The following ARHGEF37 variants were observed in gnomAD, a reference collection of about 807,000 sequenced individuals.
The protein encoded by ARHGEF37 is Rho guanine nucleotide exchange factor 37.
Under a neutral mutation model 71.1 loss-of-function variants are expected in ARHGEF37, and 55 were observed. The observed-to-expected ratio is 0.77, with a 90% CI of 0.62 to 0.97. The LOEUF is 0.97. Ranked by LOEUF, ARHGEF37 falls within the 50% of genes least tolerant of loss-of-function variation. The pLI is 0.00. For synonymous variants in ARHGEF37, 327 were observed against 350.6 expected (o/e 0.93, Z 0.75); for missense variants, 765 against 836.8 (o/e 0.91, Z 1.06).
At chr5:149,588,193 G>A (rs890908211) in intron 1 of ARHGEF37, among the ~76,000 whole-genome samples, 5 of 140,534 alleles carry the variant, frequency 3.6e-5, no homozygotes, top group Non-Finnish European at 7.7e-5. Flanking sequence ...CACGGTGCCC[G>A]GCCTTTTTGT....
At chr5:149,566,222 C>T (rs553387249) in intron 1 of ARHGEF37, among the ~76,000 whole-genome samples, 11 of 151,766 alleles carry the variant, frequency 7.2e-5, no homozygotes, top group South Asian at 4.2e-4. Flanking sequence ...GTGGGACAGG[C>T]GAGGTGGTTC....
At position 149,632,296 on chromosome 5, in the gene ARHGEF37, C is replaced by T; in HGVS notation, c.*105C>T. ...GAAAGGTGGAGGTGGAAGGGAAGAC[C>T]AGGCCAGGGTGGGTGAAGCACACTC... On this transcript the variant is annotated 3_prime_UTR_variant, in exon 13 of 13. Coordinates refer to ENST00000333677, the MANE Select transcript of ARHGEF37 (RefSeq NM_001001669.3). The T allele has an allele frequency of 1.5e-6, 2 of 1,337,108 alleles. No individual in the cohort carries two copies. Among genetic ancestry groups the T allele is most frequent in the Non-Finnish European group, 2.0e-6 (2 of 976,096 alleles). The allele number at this position is 1,337,108 out of a possible 1,614,324, so 82.8% of individuals were successfully genotyped here.
At position 149,616,597 on chromosome 5, in the gene ARHGEF37, C is replaced by T; in HGVS notation, c.489C>T (p.Phe163=). The part of the protein sequence containing the change: ...VPQAGSSGLS[F]LLVIPLQRIT... ...AAGCTGGATCTTCAGGCCTCAGTTTCTTGCTGGTAATTCCTCTGCAGAGGA... is the reference window on the plus strand; with the variant it reads ...AAGCTGGATCTTCAGGCCTCAGTTTTTTGCTGGTAATTCCTCTGCAGAGGA... The change falls in exon 5 of 13, where the codon TTC becomes TTT. Residue 163 remains phenylalanine, a synonymous_variant. Transcript: ENST00000333677. The T allele has an allele frequency of 6.2e-7, 1 of 1,611,158 alleles. No homozygotes were observed. Among genetic ancestry groups the T allele is most frequent in the Non-Finnish European group, 8.5e-7 (1 of 1,178,798 alleles).
At chr5:149,577,113 T>C (rs1034881808), upstream of ARHGEF37, among the ~76,000 whole-genome samples, 14 of 152,254 alleles carry the variant, frequency 9.2e-5, no homozygotes, top group Admixed American at 9.2e-4. Context: ...TGGCTTCAAA[T>C]CCCAGTCACC....
chr5:149,586,140 AAATAG>A (rs1284011667), intron 1 of ARHGEF37, among the ~76,000 whole-genome samples: 2 of 152,256 alleles, frequency 1.3e-5, no homozygotes, highest in Non-Finnish European at 2.9e-5. Flanking sequence ...GTCATACAAC[AAATAG>A]AATAAACAAA....
intron 1 of ARHGEF37, among the ~76,000 whole-genome samples, chr5:149,587,144 A>G (rs1450606259): frequency 6.6e-6 from 1 of 152,170 alleles, no homozygotes; most frequent in Non-Finnish European, 1.5e-5. Flanking sequence ...AGTCTCTATC[A>G]TGGCTGAAAT....
At chr5:149,622,091 G>A (rs1338228498) in intron 9 of ARHGEF37, 29 bp downstream of exon 9, 2 of 1,565,108 alleles carry the variant, frequency 1.3e-6, no homozygotes, top group South Asian at 1.2e-5. Context: ...GGACACCTGT[G>A]GGGAGTAGCC....
At chr5:149,599,410 T>C (rs1274561919) in intron 2 of ARHGEF37, among the ~76,000 whole-genome samples, 2 of 107,966 alleles carry the variant, frequency 1.9e-5, no homozygotes, top group East Asian at 3.3e-4. Context: ...AAGGCTCGGC[T>C]CACCCAGGAA....
upstream of ARHGEF37, chr5:149,551,825 TC>T (rs994206149): frequency 2.1e-5 from 3 of 145,728 alleles, no homozygotes; most frequent in African/African-American, 8.5e-5. Context: ...CTTTGATCTT[TC>T]TTCTGGCCGT....
chr5:149,632,304 G>T lies in ARHGEF37; in HGVS notation c.*113G>T. On this transcript the variant is annotated 3_prime_UTR_variant, in exon 13 of 13. Transcript: ENST00000333677. ...GAGGTGGAAGGGAAGACCAGGCCAG[G>T]GTGGGTGAAGCACACTCAGGAGGCA... 1.6e-6 allele frequency: 2 copies of T among 1,244,826 alleles called. No individual in the cohort carries two copies. Among genetic ancestry groups the T allele is most frequent in the South Asian group, 1.5e-5 (1 of 68,302 alleles). The allele number at this position is 1,244,826 out of a possible 1,614,324, so 77.1% of individuals were successfully genotyped here.
upstream of ARHGEF37, among the ~76,000 whole-genome samples, chr5:149,576,855 C>T (rs1447862861): frequency 6.6e-6 from 1 of 152,006 alleles, no homozygotes; most frequent in East Asian, 1.9e-4. Context: ...ACTAGGGAGG[C>T]CAAGGCAGGA....
intron 1 of ARHGEF37, among the ~76,000 whole-genome samples, chr5:149,554,179 T>G (rs1309760753): frequency 1.3e-5 from 2 of 151,904 alleles, no homozygotes; most frequent in Non-Finnish European, 2.9e-5. Context: ...AAAAAAAAGT[T>G]GAAAGCTGCG....
chr5:149,607,513 A>G (rs1164444483), intron 3 of ARHGEF37, among the ~76,000 whole-genome samples: 1 of 152,176 alleles, frequency 6.6e-6, no homozygotes, highest in Non-Finnish European at 1.5e-5. Context: ...TCATATGTGT[A>G]TTGTCTCACG....
intron 1 of ARHGEF37, among the ~76,000 whole-genome samples, chr5:149,568,013 C>A (rs1229560443): frequency 1.3e-5 from 2 of 152,138 alleles, no homozygotes; most frequent in East Asian, 3.8e-4. Flanking sequence ...TCCAGTCCAA[C>A]TTCACAAGGT....
chr5:149,590,543 G>A (rs1306878993), intron 1 of ARHGEF37, among the ~76,000 whole-genome samples: 2 of 151,014 alleles, frequency 1.3e-5, no homozygotes, highest in African/African-American at 4.9e-5. Flanking sequence ...GCCTCCCAAA[G>A]TGTTGGGATT....
chr5:149,592,472 C>G (rs1580898987), intron 1 of ARHGEF37, among the ~76,000 whole-genome samples: 1 of 152,320 alleles, frequency 6.6e-6, no homozygotes, highest in East Asian at 1.9e-4. Context: ...GCTGTATCAG[C>G]AGTTCGTTCC....
chr5:149,628,672 G>T, intron 11 of ARHGEF37, 137 bp from the exon 12 acceptor site: 1 of 1,172,312 alleles, frequency 8.5e-7, no homozygotes, highest in Admixed American at 2.6e-5. Context: ...GGGGGGTTCA[G>T]GGTTCCTAGA....
In ARHGEF37 at chr5:149,624,083, C is replaced by G. The variant is rs570309463; in HGVS notation, c.1407C>G (p.Asn469Lys). Residue 469 changes from asparagine to lysine, a missense_variant, in exon 10 of 13, where the codon AAC becomes AAG. Physicochemically the swap from Asn to Lys is moderately conservative, Grantham distance 94 (BLOSUM62 0). This residue lies in a region of ARHGEF37 where 390 missense variants were observed against 407.4 expected (regional missense o/e 0.96). Coordinates refer to ENST00000333677, the MANE Select transcript of ARHGEF37 (RefSeq NM_001001669.3). ...LVEDALGRTS[N>K]QLRSFQETFE... Reference sequence around the variant, plus strand: ...AGGACGCACTGGGCCGGACGAGTAACCAGCTTCGCTCCTTTCAAGAGACCT... The same window carrying G: ...AGGACGCACTGGGCCGGACGAGTAAGCAGCTTCGCTCCTTTCAAGAGACCT... 1 of 1,612,340 alleles carries G rather than the reference C, an allele frequency of 6.2e-7. No homozygotes were observed. Among genetic ancestry groups the G allele is most frequent in the East Asian group, 2.2e-5 (1 of 44,812 alleles).
Position 149,618,324 on chromosome 5 carries a change from AG to A in ARHGEF37, c.789+20del. 1 of 1,613,878 alleles carries A rather than the reference AG, an allele frequency of 6.2e-7. No individual in the cohort carries two copies. The highest frequency in any genetic ancestry group is 8.5e-7 in the Non-Finnish European group (1 of 1,179,902). ...TCCCCAGGGTGAGCGTGCGCCTGGGAGGAAGAGTCACATCCAGCCACCCCCA... is the reference window on the plus strand; with the variant it reads ...TCCCCAGGGTGAGCGTGCGCCTGGGAGAAGAGTCACATCCAGCCACCCCCA... On this transcript the variant is annotated intron_variant, in intron 6 of 12. Transcript: ENST00000333677.
Sources: gnomAD v4.1 joint callset for allele counts (sites outside exome capture counted in the v4.1 genomes callset) on GRCh38, gnomAD v4.1.1 for gene constraint, gnomAD v4.1.1 regional missense constraint, MANE v1.5 for transcripts, NCBI Gene and HGNC (gene_info 2026-07-23, HGNC 2026-07-21) for gene names.